The following MMP26 variants were observed in gnomAD, a reference collection of about 807,000 sequenced individuals.
MMP26 encodes the protein matrix metallopeptidase 26, also known as matrix metalloproteinase-26.
Under a neutral mutation model 31.0 loss-of-function variants are expected in MMP26, and 33 were observed. The ratio of observed to expected loss-of-function variants is 1.06; its 90% CI spans 0.81 to 1.42. The LOEUF (loss-of-function observed/expected upper bound fraction) is 1.42. Among genes scored for constraint, MMP26 ranks in the 40% most tolerant of loss-of-function variants. MMP26 has a pLI of 0.00. For missense variants in MMP26, 347 were observed against 316.1 expected, an observed-to-expected ratio of 1.10 and a Z score of -0.74; for synonymous variants, 122 against 114.9, an observed-to-expected ratio of 1.06 and a Z score of -0.40.
intron 2 of MMP26, among the ~76,000 whole-genome samples, chr11:4,773,460 A>G (rs1001755643): frequency 1.3e-5 from 2 of 152,198 alleles, no homozygotes; most frequent in African/African-American, 4.8e-5. Context: ...AATAGAATCT[A>G]GCAACACTTC....
At chr11:4,798,590 A>C (rs1415262684) in intron 2 of MMP26, among the ~76,000 whole-genome samples, 1 of 152,228 alleles carries the variant, frequency 6.6e-6, no homozygotes, top group Admixed American at 6.5e-5. Flanking sequence ...CTGAAATCTG[A>C]GGTAACTAAA....
At chr11:4,783,790 T>C (rs1848898128) in intron 2 of MMP26, among the ~76,000 whole-genome samples, 1 of 152,150 alleles carries the variant, frequency 6.6e-6, no homozygotes. Flanking sequence ...TCTCACAAGA[T>C]CTGATGGTTT....
intron 2 of MMP26, among the ~76,000 whole-genome samples, chr11:4,782,285 C>T (rs1414037377): frequency 6.6e-6 from 1 of 152,076 alleles, no homozygotes; most frequent in Non-Finnish European, 1.5e-5. Flanking sequence ...CTGAGGTGGT[C>T]TTGGATGGAG....
At chr11:4,739,183 T>C (rs530735413) in intron 1 of MMP26, among the ~76,000 whole-genome samples, 1 of 152,322 alleles carries the variant, frequency 6.6e-6, no homozygotes, top group South Asian at 2.1e-4. Context: ...CCCAATATTG[T>C]TGCAATTATT....
intron 2 of MMP26, among the ~76,000 whole-genome samples, chr11:4,840,937 A>C (rs932584532): frequency 6.6e-6 from 1 of 152,180 alleles, no homozygotes; most frequent in Non-Finnish European, 1.5e-5. Context: ...ACTCAGAACT[A>C]CATCAGAAAA....
At chr11:4,816,849 G>A (rs865866153) in intron 2 of MMP26, among the ~76,000 whole-genome samples, 16 of 147,816 alleles carry the variant, frequency 1.1e-4, no homozygotes, top group Non-Finnish European at 2.1e-4. Context: ...GACTACAGGC[G>A]CCCGCCACCA....
At chr11:4,809,732 C>A (rs2098078290) in intron 2 of MMP26, among the ~76,000 whole-genome samples, 1 of 152,204 alleles carries the variant, frequency 6.6e-6, no homozygotes, top group African/African-American at 2.4e-5. Flanking sequence ...ACAGTGGAAG[C>A]ACTGAGTCTT....
At chr11:4,790,117 C>T (rs1055671987) in intron 2 of MMP26, among the ~76,000 whole-genome samples, 1 of 151,890 alleles carries the variant, frequency 6.6e-6, no homozygotes, top group East Asian at 2.0e-4. Flanking sequence ...CAACGCAGGC[C>T]GATCACAAGG....
intron 2 of MMP26, among the ~76,000 whole-genome samples, chr11:4,799,209 A>T (rs1849148600): frequency 6.6e-6 from 1 of 152,224 alleles, no homozygotes; most frequent in Non-Finnish European, 1.5e-5. Context: ...AGGGTAATTT[A>T]TAAAGAAAAC....
intron 1 of MMP26, among the ~76,000 whole-genome samples, chr11:4,754,991 G>T (rs1351007971): frequency 6.6e-6 from 1 of 151,862 alleles, no homozygotes; most frequent in Non-Finnish European, 1.5e-5. Flanking sequence ...TAGATCTATA[G>T]ATTTATAAAT....
At chr11:4,712,195 AAC>A (rs1318990430) in intron 1 of MMP26, 1 of 152,220 alleles carries the variant, frequency 6.6e-6, no homozygotes, top group East Asian at 1.9e-4. Context: ...CATTTTGGCA[AAC>A]ACTGTGGAAG....
chr11:4,918,590 C>T (rs1851133904), intron 2 of MMP26, among the ~76,000 whole-genome samples: 1 of 152,166 alleles, frequency 6.6e-6, no homozygotes, highest in Middle Eastern at 3.4e-3. Context: ...TTCTGAGTTC[C>T]TCTCATTTAA....
intron 2 of MMP26, among the ~76,000 whole-genome samples, chr11:4,851,908 CA>C (rs1849981148): frequency 6.6e-6 from 1 of 151,872 alleles, no homozygotes; most frequent in Non-Finnish European, 1.5e-5. Flanking sequence ...ACAAGACTAA[CA>C]GAAAACAAAT....
intron 2 of MMP26, among the ~76,000 whole-genome samples, chr11:4,879,089 C>G (rs1359847259): frequency 1.3e-5 from 2 of 151,990 alleles, no homozygotes; most frequent in Non-Finnish European, 2.9e-5. Context: ...CAAAAATTAG[C>G]CAGGCATGGT....
At chr11:4,717,079 T>A (rs1847943868) in intron 1 of MMP26, among the ~76,000 whole-genome samples, 1 of 152,140 alleles carries the variant, frequency 6.6e-6, no homozygotes. Flanking sequence ...TTCATGATGA[T>A]TTTCACTTAT....
At chr11:4,946,096 G>C in intron 2 of MMP26, 5 of 1,418,018 alleles carry the variant, frequency 3.5e-6, no homozygotes, top group Non-Finnish European at 4.9e-6. Context: ...CAAATATTAG[G>C]TTTCTCAAAT....
At chr11:4,898,831 C>CTCTCTGTGTG (rs1209504498) in intron 2 of MMP26, among the ~76,000 whole-genome samples, 1 of 94,156 alleles carries the variant, frequency 1.1e-5, no homozygotes, top group Non-Finnish European at 2.1e-5. Flanking sequence ...CTCTCTCTCT[C>CTCTCTGTGTG]TGTGTGTGTG....
chr11:4,806,297 G>A (rs1001093262), intron 2 of MMP26, among the ~76,000 whole-genome samples: 1 of 151,970 alleles, frequency 6.6e-6, no homozygotes, highest in Non-Finnish European at 1.5e-5. Context: ...CTGTCTCGTT[G>A]GTCTGTCTAA....
chr11:4,811,471 C>T (rs1352402430), intron 2 of MMP26, among the ~76,000 whole-genome samples: 1 of 152,074 alleles, frequency 6.6e-6, no homozygotes, highest in African/African-American at 2.4e-5. Context: ...TTTTCTGTTC[C>T]TGCTTTAAGT....
Sources: gnomAD v4.1 joint callset for allele counts (sites outside exome capture counted in the v4.1 genomes callset) on GRCh38, gnomAD v4.1.1 for gene constraint, MANE v1.5 for transcripts, NCBI Gene and HGNC (gene_info 2026-07-23, HGNC 2026-07-21) for gene names.